SORBS3: variants seen among roughly 807,000 people sequenced by gnomAD.
The protein encoded by SORBS3 is sorbin and SH3 domain containing 3.
A neutral mutation model predicts 98.0 loss-of-function variants in SORBS3; 69 were observed. The ratio of observed to expected loss-of-function variants is 0.70; its 90% confidence interval spans 0.58 to 0.86. The LOEUF is 0.86. SORBS3 is among the 40% of genes least tolerant of loss of function. SORBS3 has a pLI of 0.00. For synonymous variants in SORBS3, 394 were observed against 355.4 expected (o/e 1.11, Z -1.22); for missense variants, 954 against 908.5 (o/e 1.05, Z -0.64).
chr8:22,564,436 A>G, intron 9 of SORBS3, 32 bp from the exon 10 acceptor site: 29 of 1,614,046 alleles, frequency 1.8e-5, no homozygotes, highest in Non-Finnish European at 2.5e-5. Context: ...AAGTGAGTTC[A>G]CCTGCTCTGA....
At chr8:22,560,332 T>C (rs767094658) in intron 5 of SORBS3, among the ~76,000 whole-genome samples, 5 of 151,594 alleles carry the variant, frequency 3.3e-5, no homozygotes, top group Non-Finnish European at 5.9e-5. Flanking sequence ...CAACAATCCA[T>C]AAGACTAGAC....
In SORBS3 at chr8:22,558,174, A is replaced by G; in HGVS notation, c.460A>G (p.Ile154Val). ...RDWYRRMFQQ[I>V]HRKMPDLQLD... ...CTGGTACCGGAGAATGTTCCAGCAG[A>G]TTCACCGGAAAATGCCAGGTAAGAT... Residue 154 changes from isoleucine to valine, a missense_variant, in exon 5 of 21, where the codon ATT (isoleucine) becomes GTT (valine). Ile to Val is a conservative substitution (Grantham distance 29). Transcript: ENST00000240123. The G allele has an allele frequency of 6.2e-7, 1 of 1,614,126 alleles. No homozygotes were observed. The highest frequency in any genetic ancestry group is 1.1e-5 in the South Asian group (1 of 91,076).
At chr8:22,559,374 T>G (rs969589621) in intron 5 of SORBS3, among the ~76,000 whole-genome samples, 3 of 151,690 alleles carry the variant, frequency 2.0e-5, no homozygotes, top group Non-Finnish European at 4.4e-5. Flanking sequence ...AAGATTGGAG[T>G]TGCCATTTGT....
chr8:22,552,597 G>A (rs566668897), intron 1 of SORBS3, among the ~76,000 whole-genome samples: 2 of 152,314 alleles, frequency 1.3e-5, no homozygotes, highest in East Asian at 3.9e-4. Context: ...ACTACGGGTC[G>A]TGGGGGACCT....
intron 1 of SORBS3, among the ~76,000 whole-genome samples, chr8:22,545,786 A>G (rs908251794): frequency 1.3e-5 from 2 of 152,250 alleles, no homozygotes; most frequent in African/African-American, 4.8e-5. Flanking sequence ...TACTCTTAAC[A>G]TGAAATGCAT....
Position 22,554,398 on chromosome 8 carries a change from G to C in SORBS3, c.-55-54G>C. ...CCCTATCCCAGGGTCGAGCCAAGAG[G>C]GCATGGGCAGCCTAGCCTAGCAGGG... On this transcript the variant is annotated intron_variant, in intron 1 of 20. Coordinates refer to ENST00000240123, the MANE Select transcript of SORBS3 (RefSeq NM_005775.5). This position sits in a 1 kb window ranked among gnomAD's most constrained non-coding sequence, Gnocchi z 6.5. The C allele has an allele frequency of 6.7e-7, 1 of 1,499,694 alleles. No homozygotes were observed. Among genetic ancestry groups the C allele is most frequent in the Non-Finnish European group, 8.8e-7 (1 of 1,130,550 alleles). The allele number at this position is 1,499,694 out of a possible 1,614,324, so 92.9% of individuals were successfully genotyped here.
chr8:22,556,898 C>A lies in SORBS3; in HGVS notation c.404C>A (p.Ala135Asp), dbSNP rs1032330581. 1.2e-6 allele frequency: 2 copies of A among 1,612,624 alleles called. No individual in the cohort carries two copies. The highest frequency in any genetic ancestry group is 1.1e-5 in the South Asian group (1 of 91,076). The change falls in exon 4 of 21, where the codon GCC (alanine) becomes GAC (aspartate). Residue 135 changes from alanine to aspartate, a missense_variant. Ala to Asp is a moderately radical substitution (Grantham distance 126). Coordinates refer to ENST00000240123, the MANE Select transcript of SORBS3 (RefSeq NM_005775.5). ...GPVDESGMPI[A>D]PRSSVDRPRD... is the part of the protein sequence containing the mutation. ...GTGGACGAGAGCGGCATGCCCATTGCCCCCCGATCCGTGAGTCCAGGGCTG... is the reference window on the plus strand; with the variant it reads ...GTGGACGAGAGCGGCATGCCCATTGACCCCCGATCCGTGAGTCCAGGGCTG...
At chr8:22,563,748 GCT>G (rs1169867395) in intron 7 of SORBS3, among the ~76,000 whole-genome samples, 1 of 152,202 alleles carries the variant, frequency 6.6e-6, no homozygotes, top group Non-Finnish European at 1.5e-5. Context: ...TGAGCCTGAG[GCT>G]CTGAGGGATC....
intron 20 of SORBS3, among the ~76,000 whole-genome samples, chr8:22,574,222 T>G (rs567427648): frequency 8.7e-4 from 132 of 152,342 alleles, no homozygotes; most frequent in African/African-American, 3.0e-3. Context: ...CTGAGAGGCC[T>G]GGATCGGAGT....
At chr8:22,564,955 G>C in intron 10 of SORBS3, 1 of 1,318,080 alleles carries the variant, frequency 7.6e-7, no homozygotes, top group Non-Finnish European at 9.7e-7. Flanking sequence ...GAGAAGATGG[G>C]AGAGGAAATG....
chr8:22,565,713 C>G (rs1253851305), intron 11 of SORBS3, 113 bp from the exon 12 acceptor site: 7 of 1,232,534 alleles, frequency 5.7e-6, no homozygotes, highest in Non-Finnish European at 7.1e-6. Context: ...TAGGACCCCG[C>G]GTCCCGCCCG....
Position 22,572,462 on chromosome 8 carries a change from G to A in SORBS3, c.1954+16G>A, listed in dbSNP as rs750788155. The A allele has an allele frequency of 1.1e-5, 18 of 1,592,494 alleles. No individual in the cohort carries two copies. Among genetic ancestry groups the A allele is most frequent in the African/African-American group, 8.1e-5 (6 of 74,492 alleles). On this transcript the variant is annotated intron_variant, in intron 20 of 20. Transcript: ENST00000240123. ...TGGTTTGTGGGTATGTGGGCAGGCCGGGAGGGGGCATCTCAGGGCCCCAGG... is the reference window on the plus strand; with the variant it reads ...TGGTTTGTGGGTATGTGGGCAGGCCAGGAGGGGGCATCTCAGGGCCCCAGG...
upstream of SORBS3, chr8:22,551,702 G>GC: frequency 1.0e-6 from 1 of 982,020 alleles, no homozygotes; most frequent in Non-Finnish European, 1.2e-6. The surrounding 1 kb of genome is among the most constrained non-coding windows in gnomAD (Gnocchi z 5.8). Context: ...CCCCGCGCGC[G>GC]CCCCGACGGA....
chr8:22,567,848 C>CTTT lies in SORBS3; in HGVS notation c.1305+685_1305+687dup, dbSNP rs35668704. Among the ~76,000 whole-genome samples the CTTT allele has an allele frequency of 3.1e-3, 437 of 142,554 alleles. 9 individuals carry two copies. The highest frequency in any genetic ancestry group is 0.031 in the East Asian group (150 of 4,902). The allele number at this position is 142,554 out of a possible 152,430, so 93.5% of individuals were successfully genotyped here. ...AAATATGTAGTGATGTCTTCTCTTT[C>CTTT]TTTTTTTTTTTTTTGGAGAGACAGA... On this transcript the variant is annotated intron_variant, in intron 16 of 20. Coordinates refer to ENST00000240123, the MANE Select transcript of SORBS3 (RefSeq NM_005775.5).
At chr8:22,561,467 G>C (rs1174821407) in intron 6 of SORBS3, 94 bp downstream of exon 6, 1 of 1,425,198 alleles carries the variant, frequency 7.0e-7, no homozygotes, top group African/African-American at 1.4e-5. Context: ...TGGCTTTGGG[G>C]CTCTCCAGTT....
At chr8:22,568,608 G>A (rs1167906953) in intron 16 of SORBS3, among the ~76,000 whole-genome samples, 3 of 152,140 alleles carry the variant, frequency 2.0e-5, no homozygotes, top group South Asian at 2.1e-4. Flanking sequence ...TCCGCCAGTC[G>A]TTTCTATCTT....
chr8:22,556,264 C>T (rs2117222323), intron 3 of SORBS3, among the ~76,000 whole-genome samples: 1 of 152,316 alleles, frequency 6.6e-6, no homozygotes, highest in Middle Eastern at 3.4e-3. Flanking sequence ...ATCCTTGTCA[C>T]AATGACCCTT....
At chr8:22,566,222 C>T (rs1840414918) in intron 12 of SORBS3, 123 bp from the exon 13 acceptor site, 2 of 1,317,434 alleles carry the variant, frequency 1.5e-6, no homozygotes, top group South Asian at 2.9e-5. Flanking sequence ...AGCCCAGGAC[C>T]CGGGAGACGC....
intron 5 of SORBS3, among the ~76,000 whole-genome samples, chr8:22,559,941 C>G (rs1230163480): frequency 6.6e-6 from 1 of 151,154 alleles, no homozygotes; most frequent in African/African-American, 2.4e-5. Flanking sequence ...GTGGTGTGCA[C>G]CTGTAATCCT....
Sources: gnomAD v4.1 joint callset for allele counts (sites outside exome capture counted in the v4.1 genomes callset) on GRCh38, gnomAD v4.1.1 for gene constraint, Gnocchi (gnomAD v3.1) non-coding constraint, MANE v1.5 for transcripts, NCBI Gene and HGNC (gene_info 2026-07-23, HGNC 2026-07-21) for gene names.